NSMCE2: variants seen among roughly 807,000 people sequenced by gnomAD.
NSMCE2 encodes the protein NSE2 SUMO ligase component of SMC5/6 complex, also known as E3 SUMO-protein ligase NSE2.
A neutral mutation model predicts 23.8 loss-of-function variants in NSMCE2; 24 were observed. The observed-to-expected ratio is 1.01, with a 90% confidence interval of 0.73 to 1.42. The LOEUF (loss-of-function observed/expected upper bound fraction) is 1.42, where lower values mean the gene tolerates loss of function less well. NSMCE2 is among the 40% of genes most tolerant of loss of function. The pLI is 0.00. For missense variants in NSMCE2, 284 were observed against 296.5 expected (o/e 0.96, Z 0.31); for synonymous variants, 92 against 94.1 (o/e 0.98, Z 0.13).
intron 5 of NSMCE2, among the ~76,000 whole-genome samples, chr8:125,221,716 C>T (rs1304833390): frequency 6.6e-6 from 1 of 152,206 alleles, no homozygotes; most frequent in East Asian, 1.9e-4. Context: ...TCATATGTAG[C>T]TTACACACAT....
chr8:125,143,096 A>G (rs1197425296), intron 3 of NSMCE2, among the ~76,000 whole-genome samples: 1 of 144,276 alleles, frequency 6.9e-6, no homozygotes, highest in Non-Finnish European at 1.5e-5. Context: ...GTGTGGGTGC[A>G]CGCACACACA....
intron 4 of NSMCE2, among the ~76,000 whole-genome samples, chr8:125,168,941 T>A (rs1356923531): frequency 6.6e-6 from 1 of 152,182 alleles, no homozygotes; most frequent in Non-Finnish European, 1.5e-5. Context: ...AACCAGGGTA[T>A]AGTAGATAAT....
At chr8:125,278,443 GGCAA>G (rs1345893732) in intron 5 of NSMCE2, among the ~76,000 whole-genome samples, 1 of 152,212 alleles carries the variant, frequency 6.6e-6, no homozygotes, top group East Asian at 1.9e-4. Context: ...AGGAAGCGAA[GGCAA>G]GCCATTGCCA....
At chr8:125,240,728 AG>A (rs1293783162) in intron 5 of NSMCE2, among the ~76,000 whole-genome samples, 1 of 150,362 alleles carries the variant, frequency 6.7e-6, no homozygotes, top group Non-Finnish European at 1.5e-5. Context: ...TTTTTTTGTT[AG>A]TTTGTAATGC....
chr8:125,158,950 C>G (rs79171288), intron 4 of NSMCE2, among the ~76,000 whole-genome samples: 4,747 of 152,288 alleles, frequency 0.031, 246 homozygotes, highest in African/African-American at 0.11. Context: ...GTTTCACTTT[C>G]CACTGTTTCA....
chr8:125,125,869 G>A (rs1819493143), intron 3 of NSMCE2, among the ~76,000 whole-genome samples: 1 of 152,134 alleles, frequency 6.6e-6, no homozygotes, highest in Non-Finnish European at 1.5e-5. Flanking sequence ...TCCTACATTG[G>A]TGAGGAAGGG....
chr8:125,366,930 C>A lies in NSMCE2; in HGVS notation c.*45C>A. The A allele has an allele frequency of 9.1e-7, 1 of 1,095,008 alleles. No homozygotes were observed. The highest frequency in any genetic ancestry group is 1.4e-6 in the Non-Finnish European group (1 of 708,002). The allele number at this position is 1,095,008 out of a possible 1,614,324, so 67.8% of individuals were successfully genotyped here. The stretch of plus-strand genomic sequence containing the variant: ...GGGACACCAGCAGCCTACCTCCTAC[C>A]CCAGCTGTCTGTTGAGAGCAGTGCT... On this transcript the variant is annotated 3_prime_UTR_variant, in exon 8 of 8. Transcript: ENST00000287437.
chr8:125,323,356 A>G (rs770469158), intron 5 of NSMCE2, among the ~76,000 whole-genome samples: 3 of 152,062 alleles, frequency 2.0e-5, no homozygotes, highest in South Asian at 2.1e-4. Context: ...ATAACTTTGG[A>G]AAAAAAAGGA....
intron 5 of NSMCE2, among the ~76,000 whole-genome samples, chr8:125,187,400 G>T (rs563529615): frequency 6.6e-6 from 1 of 152,104 alleles, no homozygotes; most frequent in Non-Finnish European, 1.5e-5. Flanking sequence ...AATATGATTC[G>T]GTTTAAGGCA....
At chr8:125,107,132 A>C (rs1818501291) in intron 3 of NSMCE2, among the ~76,000 whole-genome samples, 2 of 151,960 alleles carry the variant, frequency 1.3e-5, no homozygotes, top group South Asian at 4.1e-4. Flanking sequence ...CCAAACCTGA[A>C]TAACCATAGT....
chr8:125,247,581 T>A (rs1826039087), intron 5 of NSMCE2, among the ~76,000 whole-genome samples: 1 of 151,912 alleles, frequency 6.6e-6, no homozygotes, highest in Non-Finnish European at 1.5e-5. Context: ...AAAAATTAGC[T>A]GGGTATGGTG....
rs1825269366 is a variant in NSMCE2 at position 125,230,298 on chromosome 8, TA to T, written c.418+48043del. ...GGCCAACCCTCTCTTACTGAACTAA[TA>T]CCCTATAAAGCCTTACCCAGAACCC... is the stretch of plus-strand genomic sequence containing the variant. On this transcript the variant is annotated intron_variant, in intron 5 of 7. Transcript: ENST00000287437. Among the ~76,000 whole-genome samples, 3 of 146,594 alleles carry T rather than the reference TA, an allele frequency of 2.0e-5. No individual in the cohort carries two copies. In the South Asian group the frequency reaches 6.6e-4, roughly 32 times the overall value.
At chr8:125,293,310 A>G (rs1031355302) in intron 5 of NSMCE2, among the ~76,000 whole-genome samples, 1 of 152,176 alleles carries the variant, frequency 6.6e-6, no homozygotes, top group Non-Finnish European at 1.5e-5. Context: ...TGGCAGTTTA[A>G]GAGGGTGGTT....
chr8:125,209,902 G>C (rs1164147750), intron 5 of NSMCE2, among the ~76,000 whole-genome samples: 1 of 152,190 alleles, frequency 6.6e-6, no homozygotes. Flanking sequence ...ATCACAGAGT[G>C]ATCATAAGTT....
chr8:125,103,496 A>C (rs911213787), intron 3 of NSMCE2, among the ~76,000 whole-genome samples: 4 of 151,854 alleles, frequency 2.6e-5, no homozygotes, highest in Middle Eastern at 3.2e-3. Context: ...AGATTTATGG[A>C]TCTGTCAGCT....
At chr8:125,339,105 TTGC>T (rs1346694757) in intron 5 of NSMCE2, among the ~76,000 whole-genome samples, 1 of 152,214 alleles carries the variant, frequency 6.6e-6, no homozygotes, top group Non-Finnish European at 1.5e-5. Context: ...TGGCACCTTG[TTGC>T]TGTTGGAGGA....
chr8:125,116,600 G>T (rs1819016006), intron 3 of NSMCE2, among the ~76,000 whole-genome samples: 1 of 152,114 alleles, frequency 6.6e-6, no homozygotes, highest in African/African-American at 2.4e-5. Context: ...GTGCACACAT[G>T]GGAGTGTCTG....
intron 4 of NSMCE2, among the ~76,000 whole-genome samples, chr8:125,178,830 A>G (rs919262249): frequency 1.3e-5 from 2 of 152,154 alleles, no homozygotes; most frequent in Admixed American, 6.5e-5. Flanking sequence ...AGATCGTGCC[A>G]CTACAGCCTG....
At chr8:125,271,951 G>A (rs367880647) in intron 5 of NSMCE2, among the ~76,000 whole-genome samples, 1 of 151,910 alleles carries the variant, frequency 6.6e-6, no homozygotes, top group Non-Finnish European at 1.5e-5. Context: ...GAGATATTCG[G>A]TGACTTGGCC....
Sources: allele counts gnomAD v4.1 joint callset (sites outside exome capture counted in the v4.1 genomes callset), GRCh38; gene constraint gnomAD v4.1.1; transcripts MANE v1.5; gene names NCBI Gene and HGNC (gene_info 2026-07-23, HGNC 2026-07-21).